Variants in DDX59 observed in about 807,000 individuals in gnomAD.
DDX59 encodes the protein DEAD-box helicase 59, also known as probable ATP-dependent RNA helicase DDX59.
Under a neutral mutation model 51.9 loss-of-function variants are expected in DDX59, and 30 were observed. The observed-to-expected ratio is 0.58, with a 90% CI of 0.43 to 0.78. The LOEUF (loss-of-function observed/expected upper bound fraction) is 0.78. Among genes scored for constraint, DDX59 ranks in the 30% least tolerant of loss-of-function variants. The pLI, the probability that DDX59 is intolerant of heterozygous loss-of-function variation, is 0.00. For missense variants in DDX59, 672 were observed against 730.8 expected (o/e 0.92, Z 0.93); for synonymous variants, 255 against 253.3 (o/e 1.01, Z -0.06).
At position 200,666,416 on chromosome 1, in the gene DDX59, C is replaced by G. The variant is rs1388678963; in HGVS notation, c.325G>C (p.Val109Leu). 1 of 1,614,224 alleles carries G rather than the reference C, an allele frequency of 6.2e-7. No homozygotes were observed. Among genetic ancestry groups the G allele is most frequent in the Non-Finnish European group, 8.5e-7 (1 of 1,180,044 alleles). Residue 109 changes from valine (V) to leucine (L), a missense_variant, in exon 2 of 8, where the codon GTT becomes CTT. Val to Leu is a conservative substitution (Grantham distance 32). Transcript: ENST00000331314. ...RWAEPGEPICVVCGRYGEYIC... is the reference protein window; with the variant it reads ...RWAEPGEPICLVCGRYGEYIC... ...TACTCTCCATAACGACCACAGACAACACAGATGGGTTCCCCTGGTTCTGCC... is the reference window on the plus strand; with the variant it reads ...TACTCTCCATAACGACCACAGACAAGACAGATGGGTTCCCCTGGTTCTGCC...
At chr1:200,668,570 G>T (rs1222318612) in intron 1 of DDX59, among the ~76,000 whole-genome samples, 2 of 152,124 alleles carry the variant, frequency 1.3e-5, no homozygotes, top group African/African-American at 4.8e-5. Context: ...TAACAAGGAA[G>T]AAAATAAAAA....
intron 7 of DDX59, among the ~76,000 whole-genome samples, chr1:200,644,895 CAA>C (rs60033922): frequency 3.9e-3 from 313 of 80,964 alleles, no homozygotes; most frequent in Non-Finnish European, 5.1e-3. Flanking sequence ...GACTCCATCT[CAA>C]AAAAAAAAAA....
At chr1:200,667,146 T>G (rs1207280495) in intron 1 of DDX59, among the ~76,000 whole-genome samples, 1 of 151,824 alleles carries the variant, frequency 6.6e-6, no homozygotes, top group Non-Finnish European at 1.5e-5. Context: ...GGCTCACACC[T>G]GTAATCCCAG....
At chr1:200,661,234 AATG>A (rs1171086765) in intron 3 of DDX59, among the ~76,000 whole-genome samples, 1 of 152,220 alleles carries the variant, frequency 6.6e-6, no homozygotes, top group Non-Finnish European at 1.5e-5. Context: ...CAAAACAAAT[AATG>A]ATAATAGATT....
chr1:200,647,899 G>A (rs537802517), intron 7 of DDX59, among the ~76,000 whole-genome samples: 1 of 151,458 alleles, frequency 6.6e-6, no homozygotes, highest in Non-Finnish European at 1.5e-5. Context: ...CCTTGAACCT[G>A]GGAGGCGCAG....
chr1:200,663,566 C>G (rs1662510886), intron 3 of DDX59, among the ~76,000 whole-genome samples: 1 of 152,140 alleles, frequency 6.6e-6, no homozygotes, highest in African/African-American at 2.4e-5. Context: ...TATTTATTAG[C>G]TATAGATCCT....
At chr1:200,641,399 A>T, downstream of DDX59, 3 of 17,542 alleles carry the variant, frequency 1.7e-4, no homozygotes, top group South Asian at 6.7e-4. Flanking sequence ...AAAAAAACTA[A>T]AAAAAAAAAA....
chr1:200,665,852 T>A, intron 2 of DDX59, 85 bp downstream of exon 2: 1 of 1,426,410 alleles, frequency 7.0e-7, no homozygotes, highest in Non-Finnish European at 9.4e-7. Flanking sequence ...TAGTCTGCAA[T>A]TTTAATATAG....
rs1461457913 is a variant in DDX59, at chr1:200,666,182, G to GT, written c.558dup (p.Gln187ThrfsTer18). 1.9e-6 allele frequency: 3 copies of GT among 1,614,224 alleles called. No individual in the cohort carries two copies. The highest frequency in any genetic ancestry group is 1.7e-5 in the Admixed American group (1 of 60,024). On this transcript the variant is annotated frameshift_variant, in exon 2 of 8. Transcript: ENST00000331314. LOFTEE classifies it high-confidence loss of function. The stretch of plus-strand genomic sequence containing the variant: ...CCTTGAACTAAAATTCCCAGCTGCT[G>GT]TTTAAGATTTTCAATCTGGTCTTCC...
At chr1:200,656,387 C>T (rs1021563826) in intron 4 of DDX59, among the ~76,000 whole-genome samples, 1 of 152,184 alleles carries the variant, frequency 6.6e-6, no homozygotes, top group African/African-American at 2.4e-5. Flanking sequence ...ATAACGTTCT[C>T]GCCTTTACTT....
Position 200,666,264 on chromosome 1 carries a change from C to G in DDX59, c.477G>C (p.Glu159Asp). 1 of 1,614,222 alleles carries G rather than the reference C, an allele frequency of 6.2e-7. No homozygotes were observed. The change falls in exon 2 of 8, where the codon GAG becomes GAC. Residue 159 changes from glutamate to aspartate, a missense_variant. By Grantham distance (45) the Glu-to-Asp change is conservative (BLOSUM62 2). Coordinates refer to ENST00000331314, the MANE Select transcript of DDX59 (RefSeq NM_001031725.6). Reference protein sequence around the residue: ...SNPQKADSEPESPLNASYVYK... With the variant: ...SNPQKADSEPDSPLNASYVYK... ...AGACATAGGAAGCATTCAGTGGAGACTCTGGCTCAGAATCAGCCTTCTGTG... is the reference window on the plus strand; with the variant it reads ...AGACATAGGAAGCATTCAGTGGAGAGTCTGGCTCAGAATCAGCCTTCTGTG...
In DDX59 at chr1:200,666,685, C is replaced by T; in HGVS notation, c.56G>A (p.Ser19Asn). Residue 19 changes from serine (S) to asparagine (N), a missense_variant, in exon 2 of 8, where the codon AGT (serine) becomes AAT (asparagine). Transcript: ENST00000331314. ...IKRNANDDGK[S>N]CVAKIIKPDP... ...TGGTTTAATTATCTTAGCCACACAA[C>T]TTTTGCCATCATCATTAGCATTCCT... 6.2e-7 allele frequency: 1 copy of T among 1,614,110 alleles called. No homozygotes were observed. Among genetic ancestry groups the T allele is most frequent in the Non-Finnish European group, 8.5e-7 (1 of 1,179,954 alleles).
chr1:200,669,140 C>T (rs1408871841), intron 1 of DDX59, among the ~76,000 whole-genome samples: 3 of 152,094 alleles, frequency 2.0e-5, no homozygotes, highest in Admixed American at 2.0e-4. Flanking sequence ...CATATCTATA[C>T]CTTTTTACAC....
intron 5 of DDX59, among the ~76,000 whole-genome samples, chr1:200,649,799 T>C (rs1392917606): frequency 6.6e-6 from 1 of 151,992 alleles, no homozygotes; most frequent in Non-Finnish European, 1.5e-5. Context: ...AATGTAGCTC[T>C]ACATGCTGCT....
At chr1:200,642,784 G>C (rs989607265), downstream of DDX59, among the ~76,000 whole-genome samples, 4 of 152,188 alleles carry the variant, frequency 2.6e-5, no homozygotes, top group South Asian at 8.3e-4. Context: ...CTGTGAGTTA[G>C]GGGCTCTTTC....
At position 200,663,965 on chromosome 1, in the gene DDX59, C is replaced by A; in HGVS notation, c.926G>T (p.Gly309Val). ...PRMKTVLLVG[G>V]LPLPPQLYRL... is the part of the protein sequence containing the mutation. ...ATAAAGCTGTGGGGGTAAGGGTAAGCCCCCTACAAGAAGCACAGTTTTCAT... is the reference window on the plus strand; with the variant it reads ...ATAAAGCTGTGGGGGTAAGGGTAAGACCCCTACAAGAAGCACAGTTTTCAT... The change falls in exon 3 of 8, where the codon GGC becomes GTC. Residue 309 changes from glycine to valine, a missense_variant. Coordinates refer to ENST00000331314, the MANE Select transcript of DDX59 (RefSeq NM_001031725.6). 1 of 1,614,110 alleles carries A rather than the reference C, an allele frequency of 6.2e-7. No homozygotes were observed. Among genetic ancestry groups the A allele is most frequent in the Non-Finnish European group, 8.5e-7 (1 of 1,179,976 alleles).
At chr1:200,640,923 A>G (rs1445962810), downstream of DDX59, 1 of 199,678 alleles carries the variant, frequency 5.0e-6, no homozygotes, top group Non-Finnish European at 1.1e-5. Flanking sequence ...CGTGCAACAC[A>G]TTATAAAATA....
chr1:200,649,785 G>A (rs930051634), intron 5 of DDX59, among the ~76,000 whole-genome samples: 4 of 151,554 alleles, frequency 2.6e-5, no homozygotes, highest in Non-Finnish European at 5.9e-5. Flanking sequence ...TTTTAAGTGC[G>A]ATTAATGTAG....
chr1:200,660,236 C>T lies in DDX59; in HGVS notation c.973-1120G>A, dbSNP rs890883108. Among the ~76,000 whole-genome samples the T allele has an allele frequency of 3.3e-5, 5 of 152,326 alleles. No homozygotes were observed. In the South Asian group the frequency reaches 6.2e-4, roughly 19 times the overall value. ...CACAATCTTCTTTATCTGTAGACTA[C>T]CTTAGTTTTAAAGTTCTCTTACATG... is the stretch of plus-strand genomic sequence containing the variant. On this transcript the variant is annotated intron_variant, in intron 3 of 7. Coordinates refer to ENST00000331314, the MANE Select transcript of DDX59 (RefSeq NM_001031725.6).
Sources: gnomAD v4.1 joint callset for allele counts (sites outside exome capture counted in the v4.1 genomes callset) on GRCh38, gnomAD v4.1.1 for gene constraint, MANE v1.5 for transcripts, NCBI Gene and HGNC (gene_info 2026-07-23, HGNC 2026-07-21) for gene names.